The following PLSCR4 variants were observed in gnomAD, a reference collection of about 807,000 sequenced individuals.
PLSCR4 encodes the protein Ca(2+)-dependent phospholipid scramblase 4.
In PLSCR4, 25 loss-of-function variants were observed where a neutral mutation model predicts 36.3. The observed-to-expected ratio is 0.69, with a 90% CI of 0.50 to 0.96. The LOEUF is 0.96. Among genes scored for constraint, PLSCR4 ranks in the 40% least tolerant of loss-of-function variants. The pLI, the probability that PLSCR4 is intolerant of heterozygous loss-of-function variation, is 0.00. For missense variants in PLSCR4, 408 were observed against 414.7 expected (o/e 0.98, Z 0.14); for synonymous variants, 122 against 132.9 (o/e 0.92, Z 0.56).
rs1326507712 is a variant in PLSCR4, at chr3:146,218,575, AAAG to A, written c.118+2237_118+2239del. Among the ~76,000 whole-genome samples the A allele has an allele frequency of 6.6e-5, 10 of 152,176 alleles. No individual in the cohort carries two copies. The South Asian group carries it at 1.7e-3, about 25-fold the overall frequency. ...TATAAGTATGTATTATCCAGAGATAAAAGAAGGAAAACATATGATGAAATTATA... is the reference window on the plus strand; with the variant it reads ...TATAAGTATGTATTATCCAGAGATAAAAGGAAAACATATGATGAAATTATA... On this transcript the variant is annotated intron_variant, in intron 3 of 8. Coordinates refer to ENST00000354952, the MANE Select transcript of PLSCR4 (RefSeq NM_020353.3).
At chr3:146,228,578 A>T (rs1055559582) in intron 1 of PLSCR4, among the ~76,000 whole-genome samples, 2 of 152,196 alleles carry the variant, frequency 1.3e-5, no homozygotes, top group African/African-American at 4.8e-5. Context: ...ATTTGCTTTC[A>T]GTTCAGGATA....
intron 3 of PLSCR4, among the ~76,000 whole-genome samples, chr3:146,207,415 A>G (rs1309545921): frequency 2.6e-5 from 4 of 151,984 alleles, no homozygotes; most frequent in Admixed American, 6.6e-5. Flanking sequence ...AACAACAAGC[A>G]TTTCTTTCTT....
intron 3 of PLSCR4, among the ~76,000 whole-genome samples, chr3:146,214,117 CTT>C (rs1300325064): frequency 1.8e-5 from 1 of 55,802 alleles, no homozygotes; most frequent in Non-Finnish European, 4.3e-5. Flanking sequence ...TGATATCTTC[CTT>C]TTTTTTTTTT....
intron 3 of PLSCR4, among the ~76,000 whole-genome samples, chr3:146,207,314 C>T (rs2034391794): frequency 6.6e-6 from 1 of 152,112 alleles, no homozygotes; most frequent in South Asian, 2.1e-4. Flanking sequence ...GACTGGTCCC[C>T]AATCCTGACC....
chr3:146,215,787 T>G (rs2034867849), intron 3 of PLSCR4, among the ~76,000 whole-genome samples: 1 of 152,216 alleles, frequency 6.6e-6, no homozygotes, highest in East Asian at 1.9e-4. Flanking sequence ...GGCTGTGTTG[T>G]TAAAGCTCCA....
At chr3:146,216,330 A>G (rs984041467) in intron 3 of PLSCR4, among the ~76,000 whole-genome samples, 12 of 152,170 alleles carry the variant, frequency 7.9e-5, no homozygotes, top group Non-Finnish European at 1.0e-4. Flanking sequence ...CTTAAATGTG[A>G]TAAGGTGGAG....
chr3:146,222,737 T>C (rs960568561), intron 1 of PLSCR4, among the ~76,000 whole-genome samples: 19 of 152,148 alleles, frequency 1.2e-4, no homozygotes, highest in African/African-American at 4.3e-4. Flanking sequence ...TATTTGCAAC[T>C]GGGAAGTCTG....
rs78381407 is a variant in PLSCR4 at position 146,230,135 on chromosome 3, T to G, written c.-21-8043A>C. Among the ~76,000 whole-genome samples, 47 of 151,830 alleles carry G rather than the reference T, an allele frequency of 3.1e-4. No individual in the cohort carries two copies. The East Asian group carries it at 8.6e-3, about 28-fold the overall frequency. ...GAAGTAGGCCCCTAAGCCTGTGGAG[T>G]TGCAAATTCTGGGTGTTTAGAGTCA... On this transcript the variant is annotated intron_variant, in intron 1 of 8. Transcript: ENST00000354952.
intron 7 of PLSCR4, 90 bp from the exon 8 acceptor site, chr3:146,195,372 A>G (rs1576443143): frequency 2.9e-6 from 3 of 1,040,868 alleles, no homozygotes; most frequent in Admixed American, 1.9e-5. Context: ...CATAAATACA[A>G]TGCAGAAAAA....
chr3:146,231,702 G>A (rs1327427223), intron 1 of PLSCR4, among the ~76,000 whole-genome samples: 1 of 151,996 alleles, frequency 6.6e-6, no homozygotes, highest in African/African-American at 2.4e-5. Context: ...ATTTTTTAAT[G>A]GGGTTGTTTT....
At chr3:146,243,852 A>G (rs1174539050) in intron 1 of PLSCR4, among the ~76,000 whole-genome samples, 3 of 152,130 alleles carry the variant, frequency 2.0e-5, no homozygotes, top group Non-Finnish European at 4.4e-5. Flanking sequence ...TACTTCTGAT[A>G]TTTCTTCTCA....
At chr3:146,229,596 T>TTTC (rs371289729) in intron 1 of PLSCR4, among the ~76,000 whole-genome samples, 2,116 of 110,608 alleles carry the variant, frequency 0.019, 15 homozygotes, top group East Asian at 0.027. Flanking sequence ...ATTTTTCATT[T>TTTC]ATTTATTTAT....
rs1377272340 is a variant in PLSCR4 at position 146,247,213 on chromosome 3, T to C, written c.-22+3747A>G. 2.6e-5 allele frequency among the ~76,000 whole-genome samples: 4 copies of C among 152,308 alleles called. No homozygotes were observed. The East Asian group carries it at 7.7e-4, about 29-fold the overall frequency. ...ACCAAAAATGCTGAAAAAAATATTT[T>C]CTTCCTGTGGATCTGTGCATTAAAT... is the stretch of plus-strand genomic sequence containing the variant. On this transcript the variant is annotated intron_variant, in intron 1 of 8. Coordinates refer to ENST00000354952, the MANE Select transcript of PLSCR4 (RefSeq NM_020353.3).
rs1467912734 is a variant in PLSCR4, at chr3:146,193,108, GTTAA to G, written c.*1299_*1302del. 2 of 151,776 alleles carry G rather than the reference GTTAA, an allele frequency of 1.3e-5. No homozygotes were observed. The highest frequency in any genetic ancestry group is 2.9e-5 in the Non-Finnish European group (2 of 67,962). The allele number at this position is 151,776 out of a possible 1,614,324, so 9.4% of individuals were successfully genotyped here. A position where few individuals can be genotyped will look rare whatever the true frequency, so the allele number is the denominator to read the frequency against. On this transcript the variant is annotated 3_prime_UTR_variant, in exon 9 of 9. Transcript: ENST00000354952. The stretch of plus-strand genomic sequence containing the variant: ...GAAAACTAAAGTGCAACAGAAGCAA[GTTAA>G]TTAGAGTGTACTCACTTATACACTA...
At chr3:146,249,561 G>A (rs917338554) in intron 1 of PLSCR4, among the ~76,000 whole-genome samples, 2 of 151,380 alleles carry the variant, frequency 1.3e-5, no homozygotes, top group Non-Finnish European at 2.9e-5. Flanking sequence ...TTTATTATAT[G>A]AAGAAGTCTC....
intron 4 of PLSCR4, among the ~76,000 whole-genome samples, chr3:146,204,075 G>A (rs780739642): frequency 3.9e-5 from 6 of 152,066 alleles, no homozygotes; most frequent in Non-Finnish European, 5.9e-5. Context: ...TTATTAACTG[G>A]CCTAATTTCA....
At chr3:146,235,036 C>T (rs562758221) in intron 1 of PLSCR4, among the ~76,000 whole-genome samples, 8 of 152,230 alleles carry the variant, frequency 5.3e-5, no homozygotes, top group South Asian at 2.1e-4. Flanking sequence ...CATGGCATTT[C>T]GGTAATACTC....
chr3:146,220,728 CA>C, intron 3 of PLSCR4, 86 bp downstream of exon 3: 1 of 779,680 alleles, frequency 1.3e-6, no homozygotes, highest in Non-Finnish European at 2.2e-6. Context: ...TTAAATCAGT[CA>C]ATTAATTTGT....
At chr3:146,206,803 T>TG (rs374608495) in intron 3 of PLSCR4, 42 bp from the exon 4 acceptor site, 14 of 1,225,336 alleles carry the variant, frequency 1.1e-5, no homozygotes, top group African/African-American at 3.2e-5. Flanking sequence ...TTATTAACAC[T>TG]AAAGTTAGCA....
Sources: allele counts gnomAD v4.1 joint callset (sites outside exome capture counted in the v4.1 genomes callset), GRCh38; gene constraint gnomAD v4.1.1; transcripts MANE v1.5; gene names NCBI Gene and HGNC (gene_info 2026-07-23, HGNC 2026-07-21).